Variants in UBL3 observed in about 807,000 individuals in gnomAD.
The protein encoded by UBL3 is ubiquitin-like protein 3.
Under a neutral mutation model 18.4 loss-of-function variants are expected in UBL3, and 6 were observed. The observed-to-expected ratio is 0.33, with a 90% confidence interval of 0.18 to 0.64. The LOEUF is 0.64. UBL3 is among the 30% of genes least tolerant of loss of function. The probability of loss-of-function intolerance (pLI) is 0.76; values close to 1 mark genes in which losing one functional copy is unlikely to be tolerated. For synonymous variants in UBL3, 49 were observed against 46.6 expected (o/e 1.05, Z -0.21); for missense variants, 109 against 142.9 (o/e 0.76, Z 1.21).
intron 1 of UBL3, among the ~76,000 whole-genome samples, chr13:29,799,982 G>A (rs188692470): frequency 6.6e-6 from 1 of 151,920 alleles, no homozygotes; most frequent in Admixed American, 6.6e-5. Context: ...TTTATGCAAT[G>A]GCAGAACCAA....
chr13:29,805,279 T>C (rs1877871678), intron 1 of UBL3, among the ~76,000 whole-genome samples: 2 of 152,270 alleles, frequency 1.3e-5, no homozygotes, highest in South Asian at 4.1e-4. Flanking sequence ...CTTTCCACAG[T>C]AATTCTCTCT....
chr13:29,835,733 A>G (rs2761940), intron 1 of UBL3, among the ~76,000 whole-genome samples: 53,403 of 142,008 alleles, frequency 0.38, 10,339 homozygotes, highest in African/African-American at 0.46. Context: ...CCAGCCTGGC[A>G]ACAGAGCTAG....
chr13:29,816,443 A>G (rs561315436), intron 1 of UBL3, among the ~76,000 whole-genome samples: 66 of 152,292 alleles, frequency 4.3e-4, no homozygotes, highest in Non-Finnish European at 8.4e-4. Flanking sequence ...TTTACCTAAA[A>G]TAATAGCAAA....
intron 1 of UBL3, among the ~76,000 whole-genome samples, chr13:29,813,261 T>C (rs1217450032): frequency 2.0e-5 from 3 of 152,064 alleles, no homozygotes; most frequent in Non-Finnish European, 4.4e-5. Context: ...ACTTCAGTAA[T>C]TGCATAGAAC....
chr13:29,792,813 G>T (rs141805211), intron 1 of UBL3, among the ~76,000 whole-genome samples: 1 of 152,078 alleles, frequency 6.6e-6, no homozygotes, highest in Non-Finnish European at 1.5e-5. Flanking sequence ...ATTCAGCAGG[G>T]CAGCTTTGCA....
At chr13:29,842,134 CTTTTT>C (rs201006689) in intron 1 of UBL3, among the ~76,000 whole-genome samples, 2 of 128,030 alleles carry the variant, frequency 1.6e-5, no homozygotes, top group African/African-American at 3.4e-5. Context: ...CATTCTCTTT[CTTTTT>C]TTTTTTTTTT....
intron 1 of UBL3, among the ~76,000 whole-genome samples, chr13:29,835,126 ATATATATATATATATATATATATATAT>A (rs1878909513): frequency 3.0e-4 from 1 of 3,296 alleles, no homozygotes; most frequent in Non-Finnish European, 5.3e-4. Flanking sequence ...ATATATATAA[ATATATATATATATATATATATATATAT>A]ATATATATAT....
intron 1 of UBL3, among the ~76,000 whole-genome samples, chr13:29,831,570 A>G (rs1238291399): frequency 6.6e-6 from 1 of 151,532 alleles, no homozygotes; most frequent in Admixed American, 6.6e-5. Context: ...CCTGGGCAAC[A>G]AGAGCAAAAC....
At chr13:29,781,197 A>G (rs1484964995) in intron 1 of UBL3, among the ~76,000 whole-genome samples, 1 of 152,180 alleles carries the variant, frequency 6.6e-6, no homozygotes, top group Non-Finnish European at 1.5e-5. Flanking sequence ...ATAAATAAAT[A>G]GTGCTTCTGA....
intron 3 of UBL3, among the ~76,000 whole-genome samples, chr13:29,770,853 C>T (rs1032932786): frequency 6.6e-6 from 1 of 151,940 alleles, no homozygotes; most frequent in Non-Finnish European, 1.5e-5. Flanking sequence ...AAAAAAGCTC[C>T]ATTTTAAAGT....
intron 1 of UBL3, among the ~76,000 whole-genome samples, chr13:29,785,822 T>C (rs2139319652): frequency 6.6e-6 from 1 of 152,268 alleles, no homozygotes; most frequent in South Asian, 2.1e-4. Context: ...ATGAGAGACA[T>C]ACAAACAGAT....
Position 29,767,706 on chromosome 13 carries a change from A to C in UBL3, c.224-11T>G. 1 of 1,610,934 alleles carries C rather than the reference A, an allele frequency of 6.2e-7. No homozygotes were observed. On this transcript the variant is annotated splice_polypyrimidine_tract_variant and intron_variant, in intron 3 of 4. Coordinates refer to ENST00000380680, the MANE Select transcript of UBL3 (RefSeq NM_007106.4). Reference sequence around the variant, plus strand: ...AAGGAAGTTTTAATGCTATGTGAAAAGCAAAAGATGATTAGTTACACATAT... The same window carrying C: ...AAGGAAGTTTTAATGCTATGTGAAACGCAAAAGATGATTAGTTACACATAT...
intron 1 of UBL3, among the ~76,000 whole-genome samples, chr13:29,827,654 T>C (rs1320594693): frequency 6.6e-6 from 1 of 152,240 alleles, no homozygotes; most frequent in Admixed American, 6.5e-5. Context: ...CTGTGTCTTT[T>C]AATTGGAGCA....
At chr13:29,773,509 A>C (rs1876900972) in intron 2 of UBL3, among the ~76,000 whole-genome samples, 1 of 152,218 alleles carries the variant, frequency 6.6e-6, no homozygotes, top group Admixed American at 6.5e-5. Flanking sequence ...GAAGTGCTCC[A>C]TAGATACAAA....
intron 1 of UBL3, among the ~76,000 whole-genome samples, chr13:29,817,471 A>C (rs1179323953): frequency 6.6e-6 from 1 of 152,142 alleles, no homozygotes; most frequent in Non-Finnish European, 1.5e-5. Context: ...CAGGGTTATG[A>C]TGATAAAGCC....
At chr13:29,805,494 C>T (rs146237232) in intron 1 of UBL3, among the ~76,000 whole-genome samples, 147 of 152,282 alleles carry the variant, frequency 9.7e-4, no homozygotes, top group Middle Eastern at 3.4e-3. Context: ...ACTTAGAAAA[C>T]GGCTCTTACA....
At chr13:29,838,191 G>A (rs953597487) in intron 1 of UBL3, among the ~76,000 whole-genome samples, 1 of 152,118 alleles carries the variant, frequency 6.6e-6, no homozygotes, top group Non-Finnish European at 1.5e-5. Flanking sequence ...GCCAGGTGAT[G>A]ATAAAATAAC....
intron 1 of UBL3, among the ~76,000 whole-genome samples, chr13:29,835,735 C>T (rs1224726753): frequency 8.9e-6 from 1 of 112,920 alleles, no homozygotes; most frequent in Non-Finnish European, 1.6e-5. Flanking sequence ...AGCCTGGCAA[C>T]AGAGCTAGAC....
At chr13:29,770,041 G>C (rs1370751405) in intron 3 of UBL3, among the ~76,000 whole-genome samples, 1 of 151,978 alleles carries the variant, frequency 6.6e-6, no homozygotes, top group African/African-American at 2.4e-5. Flanking sequence ...CTATATTGAA[G>C]AGAAAACTGT....
Sources: gnomAD v4.1 joint callset for allele counts (sites outside exome capture counted in the v4.1 genomes callset) on GRCh38, gnomAD v4.1.1 for gene constraint, MANE v1.5 for transcripts, NCBI Gene and HGNC (gene_info 2026-07-23, HGNC 2026-07-21) for gene names.